ATP13A1: variants seen among roughly 807,000 people sequenced by gnomAD.
ATP13A1 encodes the protein ATPase 13A1, also known as endoplasmic reticulum transmembrane helix translocase.
A neutral mutation model predicts 134.8 loss-of-function variants in ATP13A1; 55 were observed. That is an observed-to-expected ratio of 0.41 (90% CI 0.33 to 0.51). ATP13A1 has a LOEUF of 0.51. ATP13A1 is among the 20% of genes least tolerant of loss of function. The pLI, the probability that ATP13A1 is intolerant of heterozygous loss-of-function variation, is 0.29. For missense variants in ATP13A1, 1,389 were observed against 1,652.8 expected, an observed-to-expected ratio of 0.84 and a Z score of 2.77; for synonymous variants, 775 against 725.1, an observed-to-expected ratio of 1.07 and a Z score of -1.10.
intron 16 of ATP13A1, 46 bp downstream of exon 16, chr19:19,652,549 G>A: frequency 1.9e-6 from 3 of 1,577,328 alleles, no homozygotes; most frequent in Non-Finnish European, 1.7e-6. Context: ...TCATCTCCTC[G>A]CCTCTATTTC....
chr19:19,647,707 C>A lies in ATP13A1; in HGVS notation c.2685G>T (p.Arg895=). The A allele has an allele frequency of 6.2e-7, 1 of 1,609,246 alleles. No homozygotes were observed. Among genetic ancestry groups the A allele is most frequent in the Non-Finnish European group, 8.5e-7 (1 of 1,179,224 alleles). The change falls in exon 20 of 26, where the codon CGG becomes CGT. Residue 895 remains arginine (R), a synonymous_variant. Transcript: ENST00000357324. This position sits in a 1 kb window ranked among gnomAD's most constrained non-coding sequence, Gnocchi z 4.8. The part of the protein sequence containing the change: ...APERVVERRR[R]PRDSPTLSNS... ...TGCTCAGGGTTGGGCTGTCCCGGGG[C>A]CGCCGTCGCCGCTCGACAACCCGCT... is the stretch of plus-strand genomic sequence containing the variant.
At position 19,645,588 on chromosome 19, in the gene ATP13A1, C is replaced by T. The variant is rs191656095; in HGVS notation, c.3505-56G>A. On this transcript the variant is annotated intron_variant, in intron 25 of 25. Coordinates refer to ENST00000357324, the MANE Select transcript of ATP13A1 (RefSeq NM_020410.3). This position sits in a 1 kb window ranked among gnomAD's most constrained non-coding sequence, Gnocchi z 4.1. Reference sequence around the variant, plus strand: ...AGACCTGCAGCCCAGCTCAGGGTCACTGCCATAGGAGGGACCCATCAAGCT... The same window carrying T: ...AGACCTGCAGCCCAGCTCAGGGTCATTGCCATAGGAGGGACCCATCAAGCT... The T allele has an allele frequency of 1.7e-3, 2,727 of 1,561,642 alleles. 49 individuals are homozygous for T. The African/African-American group carries it at 0.032, about 19-fold the overall frequency.
Position 19,655,857 on chromosome 19 carries a change from TC to T in ATP13A1, c.1269+20del. Reference sequence around the variant, plus strand: ...TGTCCAACTGCCCTGGGGCCCGCCCTCCCCAGACCTGGCCCCGCACCTGGGA... The same window carrying T: ...TGTCCAACTGCCCTGGGGCCCGCCCTCCCAGACCTGGCCCCGCACCTGGGA... On this transcript the variant is annotated intron_variant, in intron 9 of 25. Transcript: ENST00000357324. This position sits in a 1 kb window ranked among gnomAD's most constrained non-coding sequence, Gnocchi z 5.7. 1 of 1,569,548 alleles carries T rather than the reference TC, an allele frequency of 6.4e-7. No individual in the cohort carries two copies. Among genetic ancestry groups the T allele is most frequent in the Non-Finnish European group, 8.6e-7 (1 of 1,163,314 alleles).
intron 18 of ATP13A1, 25 bp from the exon 19 acceptor site, chr19:19,649,688 C>T (rs757804091): frequency 2.5e-5 from 41 of 1,613,532 alleles, no homozygotes; most frequent in Non-Finnish European, 3.2e-5. Flanking sequence ...ACAGGCTGAG[C>T]AGGGGCTGCG....
Position 19,649,856 on chromosome 19 carries a change from T to C in ATP13A1, c.2420A>G (p.Tyr807Cys), listed in dbSNP as rs768747557. The change falls in exon 18 of 26, where the codon TAC (tyrosine) becomes TGC (cysteine). Residue 807 changes from tyrosine (Y) to cysteine (C), a missense_variant. Tyr to Cys is a radical substitution (Grantham distance 194). Transcript: ENST00000357324. ...GCCGTCGCCTGTGAGGCACAGTGCG[T>C]ACTCCAGGGCCAGTGCCTTTGGGGA... ...RGSPKALALE[Y>C]ALCLTGDGLA... 13 of 1,603,862 alleles carry C rather than the reference T, an allele frequency of 8.1e-6. No individual in the cohort carries two copies. The African/African-American group carries it at 9.3e-5, about 12-fold the overall frequency.
At chr19:19,652,781 C>T (rs2062032999) in intron 15 of ATP13A1, 61 bp from the exon 16 acceptor site, 1 of 1,542,436 alleles carries the variant, frequency 6.5e-7, no homozygotes, top group Non-Finnish European at 8.7e-7. Flanking sequence ...CTCTGCATTT[C>T]CTGAGCTCTG....
chr19:19,654,093 T>C lies in ATP13A1; in HGVS notation c.1865A>G (p.Gln622Arg), dbSNP rs778441857. ...CAGGGCACTGGCAAAATGAAAGCGC[T>C]GGTGAATTTTCAGCCCCTGAGTTTT... ...SIKTQGLKIH[Q>R]RFHFASALKR... is the part of the protein sequence containing the mutation. The change falls in exon 14 of 26, where the codon CAG becomes CGG. Residue 622 changes from glutamine to arginine, a missense_variant. Around this residue, in one of 4 missense-constraint regions of ATP13A1, gnomAD observed 747 missense variants for 956.1 expected, o/e 0.78. Transcript: ENST00000357324. 1.3e-6 allele frequency: 2 copies of C among 1,592,884 alleles called. No individual in the cohort carries two copies. The highest frequency in any genetic ancestry group is 2.3e-5 in the East Asian group (1 of 44,128).
intron 19 of ATP13A1, among the ~76,000 whole-genome samples, chr19:19,648,710 G>A (rs2062003037): frequency 6.9e-6 from 1 of 145,104 alleles, no homozygotes; most frequent in South Asian, 2.3e-4. Context: ...TTGGGAGGCT[G>A]AAGAAGGAGA....
rs934643158 is a variant in ATP13A1, at chr19:19,654,254, G to C, written c.1814-110C>G. ...CTCCCTCCTGCCTCCCCCAGGGCCT[G>C]ATCGGGGCTCTGGGCTAGAGCAGGT... is the stretch of plus-strand genomic sequence containing the variant. On this transcript the variant is annotated intron_variant, in intron 13 of 25. Transcript: ENST00000357324. 19 of 1,204,258 alleles carry C rather than the reference G, an allele frequency of 1.6e-5. No homozygotes were observed. The South Asian group carries it at 2.9e-4, about 18-fold the overall frequency. 74.6% of individuals were successfully genotyped at this position (1,204,258 alleles called of 1,614,324 possible).
At position 19,645,630 on chromosome 19, in the gene ATP13A1, T is replaced by A; in HGVS notation, c.3504+17A>T. On this transcript the variant is annotated intron_variant, in intron 25 of 25. Transcript: ENST00000357324. This position sits in a 1 kb window ranked among gnomAD's most constrained non-coding sequence, Gnocchi z 4.1. ...CATCAAGCTGAGCCCCAGGGTCACC[T>A]CCACAGGGCCACTGACCTCCACAGG... is the stretch of plus-strand genomic sequence containing the variant. 1 of 1,564,200 alleles carries A rather than the reference T, an allele frequency of 6.4e-7. No homozygotes were observed. Among genetic ancestry groups the A allele is most frequent in the Non-Finnish European group, 8.7e-7 (1 of 1,154,470 alleles).
chr19:19,656,287 A>T lies in ATP13A1; in HGVS notation c.1084-104T>A. The T allele has an allele frequency of 6.8e-7, 1 of 1,469,436 alleles. No homozygotes were observed. The highest frequency in any genetic ancestry group is 1.4e-5 in the African/African-American group (1 of 71,140). 91.0% of individuals were successfully genotyped at this position (1,469,436 alleles called of 1,614,324 possible). A position where few individuals can be genotyped will look rare whatever the true frequency, so the allele number is the denominator to read the frequency against. ...CTTGAGGCTGGAATGAGCCAGGGGG[A>T]TCCCCACCCGACCAATACATCCCAC... On this transcript the variant is annotated intron_variant, in intron 7 of 25. Coordinates refer to ENST00000357324, the MANE Select transcript of ATP13A1 (RefSeq NM_020410.3). This position sits in a 1 kb window ranked among gnomAD's most constrained non-coding sequence, Gnocchi z 4.6.
intron 1 of ATP13A1, 154 bp downstream of exon 1, chr19:19,663,117 T>TA: frequency 8.7e-7 from 1 of 1,154,366 alleles, no homozygotes; most frequent in South Asian, 1.3e-5. Flanking sequence ...GGGTCATGAT[T>TA]AAGCCTGCGC....
At chr19:19,662,950 T>C (rs867055204) in intron 1 of ATP13A1, 107 of 476,914 alleles carry the variant, frequency 2.2e-4, no homozygotes, top group Middle Eastern at 1.9e-3. Flanking sequence ...ATATGGGAAC[T>C]AGTATAAACA....
At chr19:19,658,357 A>T (rs1047620880) in intron 3 of ATP13A1, among the ~76,000 whole-genome samples, 4 of 152,088 alleles carry the variant, frequency 2.6e-5, no homozygotes, top group Non-Finnish European at 5.9e-5. Flanking sequence ...ACTGCTATCA[A>T]ACAATAAGCC....
chr19:19,653,972 G>A lies in ATP13A1; in HGVS notation c.1986C>T (p.Ser662=), dbSNP rs2062041010. 2 of 1,593,782 alleles carry A rather than the reference G, an allele frequency of 1.3e-6. No individual in the cohort carries two copies. The highest frequency in any genetic ancestry group is 1.7e-6 in the Non-Finnish European group (2 of 1,170,794). The change falls in exon 14 of 26, where the codon TCC becomes TCT. Residue 662 remains serine, a synonymous_variant. Transcript: ENST00000357324. The surrounding 1 kb of genome is among the most constrained non-coding windows in gnomAD (Gnocchi z 4.2). The part of the protein sequence containing the change: ...AVKGAPETLH[S]MFSQCPPDYH... The stretch of plus-strand genomic sequence containing the variant: ...CCCCAGGCTGGGGCCAGCTCACCAT[G>A]GAGTGCAGAGTTTCGGGGGCCCCCT...
rs746686970 is a variant in ATP13A1, at chr19:19,657,072, G to A, written c.828C>T (p.Phe276=). 8 of 1,550,140 alleles carry A rather than the reference G, an allele frequency of 5.2e-6. No homozygotes were observed. In the East Asian group the frequency reaches 6.8e-5, roughly 13 times the overall value. Residue 276 remains phenylalanine (F), a synonymous_variant, in exon 5 of 26, where the codon TTC becomes TTT. Coordinates refer to ENST00000357324, the MANE Select transcript of ATP13A1 (RefSeq NM_020410.3). ...SVFTLSMLVA[F]EASLVQQQMR... ...TCTGCTGCTGCACCAGCGAGGCCTC[G>A]AACGCCACCAGCATGGATAGCGTAA...
At chr19:19,651,560 G>A in intron 17 of ATP13A1, 129 bp downstream of exon 17, 1 of 664,022 alleles carries the variant, frequency 1.5e-6, no homozygotes, top group Non-Finnish European at 2.5e-6. Context: ...CCAGGGCTGT[G>A]ATTAGTGGTG....
chr19:19,662,970 T>A, intron 1 of ATP13A1: 2 of 536,414 alleles, frequency 3.7e-6, no homozygotes, highest in East Asian at 3.6e-5. Context: ...AACTCCTACC[T>A]GACCTGGGCG....
Position 19,659,944 on chromosome 19 carries a change from G to T in ATP13A1, c.440C>A (p.Thr147Asn), listed in dbSNP as rs1367263053. 6.3e-7 allele frequency: 1 copy of T among 1,586,118 alleles called. No homozygotes were observed. The highest frequency in any genetic ancestry group is 1.9e-5 in the Admixed American group (1 of 53,542). The change falls in exon 2 of 26, where the codon ACC becomes AAC. Residue 147 changes from threonine to asparagine, a missense_variant. Physicochemically the swap from Thr to Asn is moderately conservative, Grantham distance 65 (BLOSUM62 0). This residue lies in a region of ATP13A1 where 293 missense variants were observed against 270.8 expected (regional missense o/e 1.08). Coordinates refer to ENST00000357324, the MANE Select transcript of ATP13A1 (RefSeq NM_020410.3). The part of the protein sequence containing the change: ...SKATFVKVVP[T>N]PNNGSTELVA... ...GAGCTCCGTGGAGCCATTGTTGGGGGTTGGCACCACCTTCACAAAGGTCGC... is the reference window on the plus strand; with the variant it reads ...GAGCTCCGTGGAGCCATTGTTGGGGTTTGGCACCACCTTCACAAAGGTCGC...
Sources: allele counts gnomAD v4.1 joint callset (sites outside exome capture counted in the v4.1 genomes callset), GRCh38; gene constraint gnomAD v4.1.1; regional missense constraint gnomAD v4.1.1; non-coding constraint Gnocchi (gnomAD v3.1); transcripts MANE v1.5; gene names NCBI Gene and HGNC (gene_info 2026-07-23, HGNC 2026-07-21).